The following TNRC6C variants were observed in gnomAD, a reference collection of about 807,000 sequenced individuals.
The protein encoded by TNRC6C is trinucleotide repeat containing adaptor 6C.
TNRC6C carries 20 observed loss-of-function variants against 153.7 expected under a neutral mutation model. The observed-to-expected ratio is 0.13, with a 90% CI of 0.09 to 0.19. TNRC6C has a LOEUF of 0.19. TNRC6C is among the 10% of genes least tolerant of loss of function. The probability of loss-of-function intolerance (pLI) is 1.00; values close to 1 mark genes in which losing one functional copy is unlikely to be tolerated. For synonymous variants in TNRC6C, 811 were observed against 841.4 expected (o/e 0.96, Z 0.63); for missense variants, 1,987 against 2,172.0 (o/e 0.91, Z 1.69).
intron 11 of TNRC6C, among the ~76,000 whole-genome samples, chr17:78,083,514 G>A (rs1397182276): frequency 6.6e-6 from 1 of 152,180 alleles, no homozygotes; most frequent in South Asian, 2.1e-4. Context: ...TGGCCTCTTT[G>A]TGTTCAGAAA....
chr17:78,067,334 C>G (rs1355046585), intron 4 of TNRC6C, among the ~76,000 whole-genome samples: 1 of 152,028 alleles, frequency 6.6e-6, no homozygotes, highest in African/African-American at 2.4e-5. Context: ...GAGCAAGACC[C>G]TGTTTCAAAA....
At chr17:78,020,836 C>G (rs2071818431) in intron 1 of TNRC6C, among the ~76,000 whole-genome samples, 1 of 152,216 alleles carries the variant, frequency 6.6e-6, no homozygotes, top group South Asian at 2.1e-4. Context: ...GACCTCAAGG[C>G]TCAATAGCCA....
upstream of TNRC6C, among the ~76,000 whole-genome samples, chr17:77,999,728 C>T (rs1309112224): frequency 6.6e-6 from 1 of 152,202 alleles, no homozygotes; most frequent in South Asian, 2.1e-4. Flanking sequence ...CTGTTTTCAT[C>T]TGGAGGCTCT....
chr17:78,094,802 A>G (rs577990670), intron 16 of TNRC6C, among the ~76,000 whole-genome samples: 3 of 152,340 alleles, frequency 2.0e-5, no homozygotes, highest in East Asian at 1.9e-4. Context: ...TGGAAAGCCA[A>G]CATAAGTACA....
At chr17:78,100,040 C>T (rs181773802) in intron 17 of TNRC6C, among the ~76,000 whole-genome samples, 4 of 152,344 alleles carry the variant, frequency 2.6e-5, no homozygotes, top group East Asian at 3.9e-4. Flanking sequence ...TCATATCTCG[C>T]ATCTGGGTCA....
intron 13 of TNRC6C, among the ~76,000 whole-genome samples, chr17:78,088,174 T>C (rs2073330568): frequency 6.6e-6 from 1 of 152,208 alleles, no homozygotes; most frequent in Non-Finnish European, 1.5e-5. Flanking sequence ...TTACTTGACA[T>C]ATTATAAATG....
rs879577223 is a variant in TNRC6C, at chr17:78,036,213, G to A, written c.-219+4371G>A. ...GTGTTTTTCCCAGGTGTCTTAGTACGTAAACTCTTTGTGCCCTCCCCCCAG... is the reference window on the plus strand; with the variant it reads ...GTGTTTTTCCCAGGTGTCTTAGTACATAAACTCTTTGTGCCCTCCCCCCAG... On this transcript the variant is annotated intron_variant, in intron 2 of 19. Transcript: ENST00000301624. Among the ~76,000 whole-genome samples the A allele has an allele frequency of 3.3e-5, 5 of 152,258 alleles. No individual in the cohort carries two copies. In the South Asian group the frequency reaches 6.2e-4, roughly 19 times the overall value.
At chr17:78,024,869 A>G (rs748094940) in intron 1 of TNRC6C, among the ~76,000 whole-genome samples, 3 of 150,540 alleles carry the variant, frequency 2.0e-5, no homozygotes, top group Admixed American at 2.0e-4. Context: ...ATCTCAGCTC[A>G]CTGCAGCCTC....
chr17:78,089,023 G>A (rs535780756), intron 13 of TNRC6C, among the ~76,000 whole-genome samples: 16 of 141,526 alleles, frequency 1.1e-4, no homozygotes, highest in East Asian at 8.4e-4. Context: ...GCTGGAGTGC[G>A]ATGGCGCAGT....
chr17:78,093,093 C>A, exon 15 of TNRC6C: 1 of 1,613,232 alleles, frequency 6.2e-7, no homozygotes. Context: ...GTGATAAAAT[C>A]TCAAATGGCT....
chr17:77,967,484 A>G (rs2070906895), intron 1 of TNRC6C, among the ~76,000 whole-genome samples: 1 of 152,210 alleles, frequency 6.6e-6, no homozygotes, highest in Non-Finnish European at 1.5e-5. Context: ...GTTTTCAACT[A>G]GTAAGCCTGG....
intron 1 of TNRC6C, among the ~76,000 whole-genome samples, chr17:77,990,246 A>G (rs1448110371): frequency 6.6e-6 from 1 of 152,214 alleles, no homozygotes; most frequent in Non-Finnish European, 1.5e-5. Context: ...GCAGTAGCCT[A>G]CGCATTGGTT....
intron 1 of TNRC6C, among the ~76,000 whole-genome samples, chr17:78,017,965 G>A (rs2071760249): frequency 1.3e-5 from 2 of 152,036 alleles, no homozygotes; most frequent in Non-Finnish European, 2.9e-5. Context: ...CCCTAAATTA[G>A]GTTATCTTGT....
At position 78,098,562 on chromosome 17, in the gene TNRC6C, C is replaced by T. The variant is rs145014934; in HGVS notation, c.4501+25C>T. The T allele has an allele frequency of 9.6e-5, 154 of 1,601,366 alleles. No homozygotes were observed. In the East Asian group the frequency reaches 2.9e-3, roughly 30 times the overall value. ...GGTAAGCTCCATGCTCCTCGTGTTC[C>T]GATGGGGGCCTTACCCTTTAGGGGA... On this transcript the variant is annotated intron_variant, in intron 17 of 19. Transcript: ENST00000301624.
chr17:77,966,186 T>C (rs1451322327), intron 1 of TNRC6C, among the ~76,000 whole-genome samples: 1 of 152,156 alleles, frequency 6.6e-6, no homozygotes. Flanking sequence ...ACTGGATGAG[T>C]GCAGAGGCCT....
rs1318953329 is a variant in TNRC6C at position 78,050,935 on chromosome 17, A to G, written c.1873A>G (p.Arg625Gly). The G allele has an allele frequency of 6.2e-7, 1 of 1,613,988 alleles. No individual in the cohort carries two copies. Among genetic ancestry groups the G allele is most frequent in the Admixed American group, 1.7e-5 (1 of 60,026 alleles). Residue 625 changes from arginine (R) to glycine (G), a missense_variant, in exon 3 of 20, where the codon AGG becomes GGG. Physicochemically the swap from Arg to Gly is moderately radical, Grantham distance 125 (BLOSUM62 -2). Transcript: ENST00000301624. ...ATCTGGATGGGATGCTGACAGTAATAGGTCAGGGTCTGGTTGGAATGACAC... is the reference window on the plus strand; with the variant it reads ...ATCTGGATGGGATGCTGACAGTAATGGGTCAGGGTCTGGTTGGAATGACAC...
chr17:78,033,962 A>C (rs528550299), intron 2 of TNRC6C, among the ~76,000 whole-genome samples: 41 of 152,292 alleles, frequency 2.7e-4, no homozygotes, highest in Non-Finnish European at 4.9e-4. Flanking sequence ...CCTAGTTACT[A>C]ATGCACAAAC....
chr17:78,077,136 G>T, intron 8 of TNRC6C, 49 bp from the exon 11 acceptor site: 1 of 1,554,536 alleles, frequency 6.4e-7, no homozygotes, highest in South Asian at 1.2e-5. Flanking sequence ...TTGGTGCTTT[G>T]TCTGCTGATG....
In TNRC6C at chr17:77,976,802, G is replaced by A. The variant is rs142455522; in HGVS notation, c.-38+17534G>A. 8.7e-3 allele frequency among the ~76,000 whole-genome samples: 1,314 copies of A among 151,902 alleles called. 13 individuals are homozygous for A. Among genetic ancestry groups the A allele is most frequent in the South Asian group, 0.038 (182 of 4,796 alleles). On this transcript the variant is annotated intron_variant, in intron 1 of 22. Transcript: ENST00000636222. ...AAATTATCTGGGCGTGGTGGCAGGT[G>A]CTTATAATCCCAGCTATTGGGGAGG...
Sources: allele counts gnomAD v4.1 joint callset (sites outside exome capture counted in the v4.1 genomes callset), GRCh38; gene constraint gnomAD v4.1.1; transcripts MANE v1.5; gene names NCBI Gene and HGNC (gene_info 2026-07-23, HGNC 2026-07-21).